The following DGKQ variants were observed in gnomAD, a reference collection of about 807,000 sequenced individuals.
DGKQ encodes DAG kinase theta.
Under a neutral mutation model 104.2 loss-of-function variants are expected in DGKQ, and 97 were observed. That is an observed-to-expected ratio of 0.93 (90% CI 0.79 to 1.10). The LOEUF (loss-of-function observed/expected upper bound fraction) is 1.10. DGKQ is among the 50% of genes least tolerant of loss of function. The pLI, the probability that DGKQ is intolerant of heterozygous loss-of-function variation, is 0.00. For synonymous variants in DGKQ, 736 were observed against 595.2 expected (o/e 1.24, Z -3.44); for missense variants, 1,465 against 1,352.1 (o/e 1.08, Z -1.31).
At position 961,180 on chromosome 4, in the gene DGKQ, G is replaced by A. The variant is rs376714052; in HGVS notation, c.2596C>T (p.Arg866Cys). ...CCCTGGGCAATCCGGATTCCGGAGC[G>A]CAGCCCACCCTGGACCTGGCCCTGG... ...VHMGQVQGGL[R>C]SGIRIAQGSY... Residue 866 changes from arginine (R) to cysteine (C), a missense_variant, in exon 22 of 23, where the codon CGC becomes TGC. By Grantham distance (180) the Arg-to-Cys change is radical (BLOSUM62 -3). Transcript: ENST00000273814. The A allele has an allele frequency of 1.8e-5, 28 of 1,583,406 alleles. No homozygotes were observed. The South Asian group carries it at 1.8e-4, about 10-fold the overall frequency.
In DGKQ at chr4:965,547, G is replaced by A; in HGVS notation, c.1580-18C>T. ...CACGGTGGCTGCAAAGGCAGGCTGTGGTCAGGGCGGTGGGAGGCGAAGGAC... is the reference window on the plus strand; with the variant it reads ...CACGGTGGCTGCAAAGGCAGGCTGTAGTCAGGGCGGTGGGAGGCGAAGGAC... On this transcript the variant is annotated intron_variant, in intron 13 of 22. Transcript: ENST00000273814. 6.2e-7 allele frequency: 1 copy of A among 1,610,992 alleles called. No individual in the cohort carries two copies. Among genetic ancestry groups the A allele is most frequent in the Non-Finnish European group, 8.5e-7 (1 of 1,179,268 alleles).
At position 965,969 on chromosome 4, in the gene DGKQ, T is replaced by C. The variant is rs766007625; in HGVS notation, c.1538A>G (p.Glu513Gly). The change falls in exon 13 of 23, where the codon GAG (glutamate) becomes GGG (glycine). Residue 513 changes from glutamate (E) to glycine (G), a missense_variant. Transcript: ENST00000273814. ...CTCATGCAGCAGGCTGCTGTACTCC[T>C]CGGGAGACAGGCCGGGAGGCAGGCC... ...VGGLPPGLSP[E>G]EYSSLLHEAG... 5.6e-6 allele frequency: 9 copies of C among 1,605,584 alleles called. No individual in the cohort carries two copies. The highest frequency in any genetic ancestry group is 7.6e-6 in the Non-Finnish European group (9 of 1,176,878).
chr4:965,983 G>A lies in DGKQ; in HGVS notation c.1524C>T (p.Pro508=), dbSNP rs373971638. The A allele has an allele frequency of 2.9e-5, 47 of 1,605,348 alleles. No homozygotes were observed. The highest frequency in any genetic ancestry group is 2.7e-4 in the East Asian group (12 of 44,622). Residue 508 remains proline (P), a synonymous_variant, in exon 13 of 23, where the codon CCC becomes CCT. Transcript: ENST00000273814. ...HVSLFVGGLP[P]GLSPEEYSSL... ...TGCTGTACTCCTCGGGAGACAGGCC[G>A]GGAGGCAGGCCGCCAACAAACAGGG...
Position 971,016 on chromosome 4 carries a change from T to C in DGKQ, c.328A>G (p.Ser110Gly). ...ACCCGGACCAGGCTGGGTGCCACAC[T>C]CGTGCACGGGATCCTCACGTGCTTC... is the stretch of plus-strand genomic sequence containing the variant. ...CLKHVRIPCT[S>G]VAPSLVRVPV... Residue 110 changes from serine (S) to glycine (G), a missense_variant, in exon 2 of 23, where the codon AGT (serine) becomes GGT (glycine). By Grantham distance (56) the Ser-to-Gly change is moderately conservative (BLOSUM62 0). Transcript: ENST00000273814. The surrounding 1 kb of genome is among the most constrained non-coding windows in gnomAD (Gnocchi z 4.0). 7 of 1,553,826 alleles carry C rather than the reference T, an allele frequency of 4.5e-6. No individual in the cohort carries two copies. Among genetic ancestry groups the C allele is most frequent in the Non-Finnish European group, 6.1e-6 (7 of 1,148,596 alleles).
Position 967,969 on chromosome 4 carries a change from G to C in DGKQ, c.722C>G (p.Ser241Cys). The C allele has an allele frequency of 6.7e-7, 1 of 1,484,522 alleles. No homozygotes were observed. The highest frequency in any genetic ancestry group is 2.6e-5 in the East Asian group (1 of 37,970). The allele number at this position is 1,484,522 out of a possible 1,614,324, so 92.0% of individuals were successfully genotyped here. A position where few individuals can be genotyped will look rare whatever the true frequency, so the allele number is the denominator to read the frequency against. ...APECGFGRLR[S>C]LVLPPACVRL... ...CACGCACGCGGGAGGCAGGACCAGG[G>C]AGCGCAGACGCCCGAAGCCACACTC... The change falls in exon 6 of 23, where the codon TCC (serine) becomes TGC (cysteine). Residue 241 changes from serine to cysteine, a missense_variant. By Grantham distance (112) the Ser-to-Cys change is moderately radical. Coordinates refer to ENST00000273814, the MANE Select transcript of DGKQ (RefSeq NM_001347.4).
In DGKQ at chr4:966,523, C is replaced by T; in HGVS notation, c.1371G>A (p.Gln457=). ...VEVAMGCRHV[Q]RTMLMDEQPL... ...GCTGTTCGTCCATCAGCATCGTCCG[C>T]TGGACTGCAGAGGTGAGGGCACAGG... is the stretch of plus-strand genomic sequence containing the variant. Residue 457 remains glutamine, a synonymous_variant, in exon 12 of 23, where the codon CAG becomes CAA. Coordinates refer to ENST00000273814, the MANE Select transcript of DGKQ (RefSeq NM_001347.4). 1 of 1,612,230 alleles carries T rather than the reference C, an allele frequency of 6.2e-7. No individual in the cohort carries two copies. The highest frequency in any genetic ancestry group is 2.2e-5 in the East Asian group (1 of 44,866).
chr4:963,626 G>A (rs184743365), intron 15 of DGKQ, among the ~76,000 whole-genome samples: 5 of 152,342 alleles, frequency 3.3e-5, no homozygotes, highest in South Asian at 2.1e-4. Context: ...GGAAATCCAC[G>A]TGGGACTCTG....
chr4:965,596 G>T, intron 13 of DGKQ, 67 bp from the exon 14 acceptor site: 7 of 1,555,128 alleles, frequency 4.5e-6, no homozygotes, highest in Non-Finnish European at 6.1e-6. Flanking sequence ...GCCAGGGACA[G>T]CCCCTCCGCC....
Position 966,542 on chromosome 4 carries a change from G to A in DGKQ, c.1367-15C>T, listed in dbSNP as rs200037557. ...CGTCCGCTGGACTGCAGAGGTGAGG[G>A]CACAGGCCGTCAGCACCCGGCTCCT... is the stretch of plus-strand genomic sequence containing the variant. On this transcript the variant is annotated splice_polypyrimidine_tract_variant and intron_variant, in intron 11 of 22. Coordinates refer to ENST00000273814, the MANE Select transcript of DGKQ (RefSeq NM_001347.4). 888 of 1,609,340 alleles carry A rather than the reference G, an allele frequency of 5.5e-4. 7 individuals are homozygous for A. The African/African-American group carries it at 0.011, about 19-fold the overall frequency.
intron 16 of DGKQ, 104 bp from the exon 17 acceptor site, chr4:963,024 A>G (rs1712007693): frequency 6.7e-7 from 1 of 1,503,254 alleles, no homozygotes; most frequent in Non-Finnish European, 8.9e-7. Flanking sequence ...GAGGACTTCA[A>G]GGTCCCAGCA....
At chr4:963,374 C>A in intron 15 of DGKQ, 84 bp from the exon 16 acceptor site, 1 of 1,325,894 alleles carries the variant, frequency 7.5e-7, no homozygotes, top group Non-Finnish European at 1.0e-6. Flanking sequence ...GCCCAGCCCC[C>A]AACCCTGAGC....
chr4:965,449 AC>A lies in DGKQ; in HGVS notation c.1618+41del, dbSNP rs780705438. On this transcript the variant is annotated intron_variant, in intron 14 of 22. Transcript: ENST00000273814. ...GGCTGTCCCACTTCACCCCAGGAACACCCCTGGGCCTCATGTGACCACGTCC... is the reference window on the plus strand; with the variant it reads ...GGCTGTCCCACTTCACCCCAGGAACACCCTGGGCCTCATGTGACCACGTCC... 3.8e-6 allele frequency: 6 copies of A among 1,596,658 alleles called. No individual in the cohort carries two copies. The African/African-American group carries it at 8.0e-5, about 21-fold the overall frequency.
Position 971,437 on chromosome 4 carries a change from C to A in DGKQ, c.272-365G>T, listed in dbSNP as rs530194924. ...CAGGTGGCAGGGGCTTCTCGGCCTT[C>A]GGCAGATTGGCTTTACCAAGGACAT... On this transcript the variant is annotated intron_variant, in intron 1 of 22. Coordinates refer to ENST00000273814, the MANE Select transcript of DGKQ (RefSeq NM_001347.4). This position sits in a 1 kb window ranked among gnomAD's most constrained non-coding sequence, Gnocchi z 4.0. Among the ~76,000 whole-genome samples, 1 of 152,222 alleles carries A rather than the reference C, an allele frequency of 6.6e-6. No homozygotes were observed. The highest frequency in any genetic ancestry group is 2.4e-5 in the African/African-American group (1 of 41,464).
intron 5 of DGKQ, 22 bp downstream of exon 5, chr4:968,260 C>T (rs1216513173): frequency 1.4e-6 from 2 of 1,387,518 alleles, no homozygotes; most frequent in Admixed American, 2.3e-5. Context: ...CACCCCCACC[C>T]CCTCGACTTC....
chr4:973,234 C>A lies in DGKQ; in HGVS notation c.249G>T (p.Gly83=), dbSNP rs1204190198. Residue 83 remains glycine (G), a synonymous_variant, in exon 1 of 23, where the codon GGG becomes GGT. Coordinates refer to ENST00000273814, the MANE Select transcript of DGKQ (RefSeq NM_001347.4). ...FCHLCSDFIW[G]LAGFLCDVCN... ...CACCGTCGCACAGGAAGCCGGCCAG[C>A]CCCCAGATGAAGTCGGAGCAGAGGT... 1 of 1,562,294 alleles carries A rather than the reference C, an allele frequency of 6.4e-7. No individual in the cohort carries two copies. The highest frequency in any genetic ancestry group is 8.6e-7 in the Non-Finnish European group (1 of 1,157,146).
At position 973,536 on chromosome 4, in the gene DGKQ, C is replaced by A. The variant is rs1335523594; in HGVS notation, c.-54G>T. The A allele has an allele frequency of 4.1e-6, 4 of 984,648 alleles. No homozygotes were observed. The highest frequency in any genetic ancestry group is 1.1e-4 in the East Asian group (1 of 8,964). 61.0% of individuals were successfully genotyped at this position (984,648 alleles called of 1,614,324 possible). A position where few individuals can be genotyped will look rare whatever the true frequency, so the allele number is the denominator to read the frequency against. ...AGGTCCGCGCCGGGGGTACAGGAGC[C>A]GCCGCTCCACGGCCCGGTACACTGC... On this transcript the variant is annotated 5_prime_UTR_variant, in exon 1 of 23. Transcript: ENST00000273814.
chr4:968,486 T>C lies in DGKQ; in HGVS notation c.530A>G (p.Gln177Arg), dbSNP rs749866313. 1.0e-5 allele frequency: 16 copies of C among 1,605,294 alleles called. No individual in the cohort carries two copies. The highest frequency in any genetic ancestry group is 1.3e-5 in the African/African-American group (1 of 74,716). ...DCRQCHQDGH[Q>R]DHDTHHHHWR... is the part of the protein sequence containing the mutation. Reference sequence around the variant, plus strand: ...TGGGGCCGGTACACTCACGTGATCCTGGTGCCCATCCTGGTGGCACTGGCG... The same window carrying C: ...TGGGGCCGGTACACTCACGTGATCCCGGTGCCCATCCTGGTGGCACTGGCG... The change falls in exon 4 of 23, where the codon CAG becomes CGG. Residue 177 changes from glutamine (Q) to arginine (R), a missense_variant. Coordinates refer to ENST00000273814, the MANE Select transcript of DGKQ (RefSeq NM_001347.4).
In DGKQ at chr4:962,618, G is replaced by T; in HGVS notation, c.2036-5C>A. 3 of 1,605,558 alleles carry T rather than the reference G, an allele frequency of 1.9e-6. No homozygotes were observed. The highest frequency in any genetic ancestry group is 2.5e-6 in the Non-Finnish European group (3 of 1,179,032). On this transcript the variant is annotated splice_polypyrimidine_tract_variant and splice_region_variant and intron_variant, in intron 17 of 22. Coordinates refer to ENST00000273814, the MANE Select transcript of DGKQ (RefSeq NM_001347.4). ...GGACTCGACCAAGGTCATTCCCTGG[G>T]ACACAAGCAGACACAGAGCATCTGT...
intron 1 of DGKQ, 29 bp downstream of exon 1, chr4:973,183 C>T: frequency 1.3e-6 from 2 of 1,517,898 alleles, no homozygotes; most frequent in East Asian, 2.9e-5. Context: ...AGGGCTGCAG[C>T]CGGGTAGGCA....
Sources: gnomAD v4.1 joint callset for allele counts (sites outside exome capture counted in the v4.1 genomes callset) on GRCh38, gnomAD v4.1.1 for gene constraint, Gnocchi (gnomAD v3.1) non-coding constraint, MANE v1.5 for transcripts, NCBI Gene and HGNC (gene_info 2026-07-23, HGNC 2026-07-21) for gene names.